The following ZBTB20 variants were observed in gnomAD, a reference collection of about 807,000 sequenced individuals.
ZBTB20 encodes zinc finger and BTB domain-containing protein 20.
ZBTB20 carries 9 observed loss-of-function variants against 56.9 expected under a neutral mutation model. The observed-to-expected ratio is 0.16, with a 90% CI of 0.10 to 0.28. ZBTB20 has a LOEUF of 0.28. ZBTB20 is among the 10% of genes least tolerant of loss of function. The pLI, the probability that ZBTB20 is intolerant of heterozygous loss-of-function variation, is 1.00. For synonymous variants in ZBTB20, 417 were observed against 420.7 expected, an observed-to-expected ratio of 0.99 and a Z score of 0.11; for missense variants, 655 against 1,003.0, an observed-to-expected ratio of 0.65 and a Z score of 4.69.
At chr3:114,865,954 C>T (rs757619889) in intron 4 of ZBTB20, among the ~76,000 whole-genome samples, 10 of 152,108 alleles carry the variant, frequency 6.6e-5, no homozygotes, top group Non-Finnish European at 1.5e-4. Flanking sequence ...AGATTTGAAC[C>T]GTGGAGTCCA....
chr3:114,526,748 A>T (rs977818222), intron 6 of ZBTB20, among the ~76,000 whole-genome samples: 3 of 152,210 alleles, frequency 2.0e-5, no homozygotes, highest in Non-Finnish European at 2.9e-5. Flanking sequence ...ATAATAGCAA[A>T]TGTCTACGTG....
Position 114,671,348 on chromosome 3 carries a change from C to T in ZBTB20, c.-295+22180G>A, listed in dbSNP as rs531936508. Reference sequence around the variant, plus strand: ...CCCCCTTCCAAGGTCCTGTACTTAACTCTGTAATCATAATTTTGTATTCTT... The same window carrying T: ...CCCCCTTCCAAGGTCCTGTACTTAATTCTGTAATCATAATTTTGTATTCTT... On this transcript the variant is annotated intron_variant, in intron 6 of 11. Transcript: ENST00000675478. Among the ~76,000 whole-genome samples, 8 of 152,208 alleles carry T rather than the reference C, an allele frequency of 5.3e-5. 1 individual carries two copies. In the South Asian group the frequency reaches 1.7e-3, roughly 32 times the overall value.
chr3:114,879,970 C>T (rs2076338138), intron 4 of ZBTB20, among the ~76,000 whole-genome samples: 1 of 152,010 alleles, frequency 6.6e-6, no homozygotes, highest in African/African-American at 2.4e-5. Context: ...GATTTTTTTC[C>T]TCAAAATTAA....
intron 7 of ZBTB20, among the ~76,000 whole-genome samples, chr3:114,487,062 A>T (rs1002175157): frequency 6.6e-6 from 1 of 152,190 alleles, no homozygotes; most frequent in African/African-American, 2.4e-5. Flanking sequence ...TGACTCCTTA[A>T]ACAAGTAGGA....
chr3:114,805,623 T>A (rs1407415131), intron 4 of ZBTB20, among the ~76,000 whole-genome samples: 1 of 151,318 alleles, frequency 6.6e-6, no homozygotes, highest in East Asian at 1.9e-4. Context: ...GAGATATAAC[T>A]TATATAACAT....
intron 4 of ZBTB20, among the ~76,000 whole-genome samples, chr3:114,853,381 C>G (rs1217186420): frequency 6.6e-6 from 1 of 152,206 alleles, no homozygotes; most frequent in African/African-American, 2.4e-5. Context: ...TGAGAGTGTA[C>G]CTGCCTTCTG....
chr3:114,844,049 G>C (rs1428374680), intron 4 of ZBTB20, among the ~76,000 whole-genome samples: 1 of 151,738 alleles, frequency 6.6e-6, no homozygotes, highest in South Asian at 2.1e-4. Context: ...GCTAAAAATT[G>C]TAAACAGTCT....
rs1251089757 is a variant in ZBTB20 at position 114,326,927 on chromosome 3, C to G, written c.*12078G>C. ...AGCTACATATCTGTAAAATAAGATGCAGACTTTCTGAAATGCATTGTATGT... is the reference window on the plus strand; with the variant it reads ...AGCTACATATCTGTAAAATAAGATGGAGACTTTCTGAAATGCATTGTATGT... On this transcript the variant is annotated 3_prime_UTR_variant, in exon 12 of 12. Transcript: ENST00000675478. 6.6e-6 allele frequency: 1 copy of G among 152,024 alleles called. No individual in the cohort carries two copies. Among genetic ancestry groups the G allele is most frequent in the Non-Finnish European group, 1.5e-5 (1 of 68,002 alleles). The allele number at this position is 152,024 out of a possible 1,614,324, so 9.4% of individuals were successfully genotyped here.
rs547184262 is a variant in ZBTB20 at position 114,443,907 on chromosome 3, C to T, written c.-254-54802G>A. ...AGTACATTGCCTAAAATTATGTAGA[C>T]CTGTTCTTTACATTACAAATAAATA... On this transcript the variant is annotated intron_variant, in intron 7 of 11. Coordinates refer to ENST00000675478, the MANE Select transcript of ZBTB20 (RefSeq NM_001348800.3). 5.7e-4 allele frequency among the ~76,000 whole-genome samples: 86 copies of T among 152,126 alleles called. 1 individual carries two copies. The highest frequency in any genetic ancestry group is 6.3e-3 in the Middle Eastern group (2 of 316).
chr3:114,778,742 T>C (rs2069829832), intron 5 of ZBTB20, among the ~76,000 whole-genome samples: 1 of 152,218 alleles, frequency 6.6e-6, no homozygotes, highest in South Asian at 2.1e-4. Context: ...ATAGAATCCT[T>C]CTTTTGGAGA....
rs2078946230 is a variant in ZBTB20, at chr3:114,322,930, C to G, written c.*16075G>C. 1 of 152,116 alleles carries G rather than the reference C, an allele frequency of 6.6e-6. No homozygotes were observed. The highest frequency in any genetic ancestry group is 1.9e-4 in the East Asian group (1 of 5,196). 9.4% of individuals were successfully genotyped at this position (152,116 alleles called of 1,614,324 possible). On this transcript the variant is annotated 3_prime_UTR_variant, in exon 12 of 12. Coordinates refer to ENST00000675478, the MANE Select transcript of ZBTB20 (RefSeq NM_001348800.3). Reference sequence around the variant, plus strand: ...AATTGAGAATTTTCCAAATTGATGCCCCATATGTGACAGTGTTCAGAGAAA... The same window carrying G: ...AATTGAGAATTTTCCAAATTGATGCGCCATATGTGACAGTGTTCAGAGAAA...
chr3:114,346,203 T>A (rs1310623593), intron 11 of ZBTB20, among the ~76,000 whole-genome samples: 1 of 152,180 alleles, frequency 6.6e-6, no homozygotes, highest in Non-Finnish European at 1.5e-5. Context: ...CTAAGGAGTA[T>A]AAAGGAGTTT....
chr3:114,953,181 G>A (rs902867110), intron 3 of ZBTB20, among the ~76,000 whole-genome samples: 1 of 151,800 alleles, frequency 6.6e-6, no homozygotes, highest in Non-Finnish European at 1.5e-5. Flanking sequence ...TATGTATATT[G>A]AACAACTTTA....
rs1426872582 is a variant in ZBTB20, at chr3:114,318,139, T to C, written c.*20866A>G. 2 of 152,170 alleles carry C rather than the reference T, an allele frequency of 1.3e-5. No individual in the cohort carries two copies. Among genetic ancestry groups the C allele is most frequent in the Non-Finnish European group, 2.9e-5 (2 of 68,038 alleles). The allele number at this position is 152,170 out of a possible 1,614,324, so 9.4% of individuals were successfully genotyped here. The stretch of plus-strand genomic sequence containing the variant: ...GTTTTTAAAAATTATTTTTTCAATG[T>C]TGAAAAAATATGGAAAAGCTATTGA... On this transcript the variant is annotated 3_prime_UTR_variant, in exon 12 of 12. Transcript: ENST00000675478.
At chr3:114,357,608 A>G (rs1179040325) in intron 10 of ZBTB20, among the ~76,000 whole-genome samples, 1 of 152,208 alleles carries the variant, frequency 6.6e-6, no homozygotes, top group Non-Finnish European at 1.5e-5. Context: ...GGACATGTTT[A>G]TACTTTTATA....
chr3:114,631,780 T>G (rs746033746), intron 6 of ZBTB20, among the ~76,000 whole-genome samples: 26 of 152,290 alleles, frequency 1.7e-4, no homozygotes, highest in Non-Finnish European at 3.2e-4. Flanking sequence ...TAATATTAAA[T>G]AGAGAAGCAT....
intron 7 of ZBTB20, among the ~76,000 whole-genome samples, chr3:114,448,177 C>T (rs1288475017): frequency 6.6e-6 from 1 of 152,040 alleles, no homozygotes; most frequent in Non-Finnish European, 1.5e-5. Context: ...GGCCTCTCCC[C>T]GGCTGCACAG....
chr3:115,083,155 C>T (rs1049681861), intron 1 of ZBTB20, among the ~76,000 whole-genome samples: 2 of 152,040 alleles, frequency 1.3e-5, no homozygotes, highest in Admixed American at 1.3e-4. Flanking sequence ...CTTCTCTCAG[C>T]ATACAACTAT....
At chr3:114,843,025 T>C (rs2074454752) in intron 4 of ZBTB20, among the ~76,000 whole-genome samples, 1 of 152,108 alleles carries the variant, frequency 6.6e-6, no homozygotes, top group African/African-American at 2.4e-5. Flanking sequence ...TTTAAAGTTA[T>C]TTGGCAGTCT....
Sources: gnomAD v4.1 joint callset for allele counts (sites outside exome capture counted in the v4.1 genomes callset) on GRCh38, gnomAD v4.1.1 for gene constraint, MANE v1.5 for transcripts, NCBI Gene and HGNC (gene_info 2026-07-23, HGNC 2026-07-21) for gene names.